PPFIA2: variants seen among roughly 807,000 people sequenced by gnomAD.
The protein encoded by PPFIA2 is PPFI scaffold protein A2.
Under a neutral mutation model 175.5 loss-of-function variants are expected in PPFIA2, and 46 were observed. The observed-to-expected ratio is 0.26, with a 90% confidence interval of 0.21 to 0.34. The LOEUF is 0.34. PPFIA2 is among the 10% of genes least tolerant of loss of function. The pLI, the probability that PPFIA2 is intolerant of heterozygous loss-of-function variation, is 1.00. For synonymous variants in PPFIA2, 568 were observed against 511.4 expected, an observed-to-expected ratio of 1.11 and a Z score of -1.49; for missense variants, 1,179 against 1,506.1, an observed-to-expected ratio of 0.78 and a Z score of 3.60.
At chr12:81,502,623 A>AATT (rs1305536309) in intron 4 of PPFIA2, among the ~76,000 whole-genome samples, 6 of 152,196 alleles carry the variant, frequency 3.9e-5, no homozygotes, top group African/African-American at 1.4e-4. Context: ...GTTCATCCTA[A>AATT]ATTACATCAA....
At chr12:81,284,412 G>A in intron 24 of PPFIA2, 109 bp from the exon 25 acceptor site, 1 of 781,536 alleles carries the variant, frequency 1.3e-6, no homozygotes, top group South Asian at 1.5e-5. Flanking sequence ...ATACCACAGT[G>A]CCCTTGCCCC....
At chr12:81,321,324 C>T (rs1328188556) in intron 22 of PPFIA2, among the ~76,000 whole-genome samples, 1 of 151,922 alleles carries the variant, frequency 6.6e-6, no homozygotes, top group African/African-American at 2.4e-5. Flanking sequence ...AAACTGACAA[C>T]TAAATATATT....
At chr12:81,465,584 C>T (rs2146087306) in intron 4 of PPFIA2, among the ~76,000 whole-genome samples, 1 of 152,176 alleles carries the variant, frequency 6.6e-6, no homozygotes, top group African/African-American at 2.4e-5. Context: ...AATAATTCTT[C>T]TAGCAATTCT....
At chr12:81,629,061 C>T (rs1235536982) in intron 4 of PPFIA2, among the ~76,000 whole-genome samples, 26 of 151,840 alleles carry the variant, frequency 1.7e-4, no homozygotes, top group Admixed American at 1.7e-3. Context: ...GGATATGTGC[C>T]AAAAGATAAG....
At chr12:81,464,871 C>T (rs1240312002) in intron 4 of PPFIA2, among the ~76,000 whole-genome samples, 1 of 118,314 alleles carries the variant, frequency 8.5e-6, no homozygotes, top group African/African-American at 3.7e-5. Flanking sequence ...TAGTAATAAA[C>T]ATAATAGAGC....
chr12:81,312,586 A>C (rs1269342971), intron 22 of PPFIA2, among the ~76,000 whole-genome samples: 1 of 152,216 alleles, frequency 6.6e-6, no homozygotes, highest in Non-Finnish European at 1.5e-5. Flanking sequence ...TAGCTTTATA[A>C]GCCTACTGCT....
At chr12:81,511,741 CATAT>C (rs2061824071) in intron 4 of PPFIA2, among the ~76,000 whole-genome samples, 1 of 151,976 alleles carries the variant, frequency 6.6e-6, no homozygotes, top group Non-Finnish European at 1.5e-5. Context: ...TATTTCCCTT[CATAT>C]ATATTCAATA....
At chr12:81,430,064 T>G (rs1454032066) in intron 7 of PPFIA2, 1 of 152,100 alleles carries the variant, frequency 6.6e-6, no homozygotes, top group East Asian at 1.9e-4. Context: ...ATCAATATCT[T>G]CATTCATCAC....
At chr12:81,607,164 G>T (rs990361732) in intron 4 of PPFIA2, among the ~76,000 whole-genome samples, 1 of 151,836 alleles carries the variant, frequency 6.6e-6, no homozygotes, top group African/African-American at 2.4e-5. Context: ...CTGTTCTATT[G>T]GTTTATGTGT....
intron 3 of PPFIA2, among the ~76,000 whole-genome samples, chr12:81,709,801 T>TTTC (rs2077660644): frequency 6.6e-6 from 1 of 152,220 alleles, no homozygotes; most frequent in East Asian, 1.9e-4. Flanking sequence ...TCTTATTTTT[T>TTTC]AAATAGATAT....
chr12:81,616,112 G>C (rs919937528), intron 4 of PPFIA2, among the ~76,000 whole-genome samples: 4 of 152,054 alleles, frequency 2.6e-5, no homozygotes, highest in African/African-American at 9.7e-5. Flanking sequence ...AGTATTGTTG[G>C]GGGAGAGAAT....
intron 3 of PPFIA2, among the ~76,000 whole-genome samples, chr12:81,730,838 A>G (rs2080793509): frequency 6.6e-6 from 1 of 151,598 alleles, no homozygotes; most frequent in Non-Finnish European, 1.5e-5. Flanking sequence ...CTACAGGGTA[A>G]TAGTTGTTTA....
intron 21 of PPFIA2, among the ~76,000 whole-genome samples, chr12:81,333,388 C>G (rs1218233417): frequency 6.6e-6 from 1 of 152,162 alleles, no homozygotes; most frequent in South Asian, 2.1e-4. Context: ...ACACCATTCA[C>G]TTATGTTCTC....
At chr12:81,589,221 A>G (rs1359196150) in intron 4 of PPFIA2, among the ~76,000 whole-genome samples, 1 of 152,050 alleles carries the variant, frequency 6.6e-6, no homozygotes, top group Non-Finnish European at 1.5e-5. Flanking sequence ...GCTAACTTGT[A>G]TTAGGTAGAG....
chr12:81,337,274 C>A (rs934828731), intron 21 of PPFIA2, among the ~76,000 whole-genome samples: 2 of 152,112 alleles, frequency 1.3e-5, no homozygotes, highest in African/African-American at 4.8e-5. Context: ...TAACAAGCTG[C>A]TGATTCTGGC....
rs145882763 is a variant in PPFIA2, at chr12:81,350,751, G to T, written c.1994+2368C>A. Among the ~76,000 whole-genome samples the T allele has an allele frequency of 2.0e-4, 31 of 152,146 alleles. No homozygotes were observed. In the East Asian group the frequency reaches 5.8e-3, roughly 28 times the overall value. ...AGTCTTCTCTGGCTGTAGTTAGGTT[G>T]GTATATGGAGAACTAGCATACTACA... On this transcript the variant is annotated intron_variant, in intron 17 of 32. Transcript: ENST00000549396.
chr12:81,690,846 C>T (rs2075150906), intron 3 of PPFIA2, among the ~76,000 whole-genome samples: 1 of 152,096 alleles, frequency 6.6e-6, no homozygotes, highest in Non-Finnish European at 1.5e-5. Flanking sequence ...AGGCTGCATG[C>T]ATTTTTTGGC....
At chr12:81,295,061 A>C in intron 23 of PPFIA2, 26 bp from the exon 24 acceptor site, 1 of 1,587,754 alleles carries the variant, frequency 6.3e-7, no homozygotes, top group Non-Finnish European at 8.6e-7. Flanking sequence ...AAATACACTA[A>C]CAAATTATAA....
At chr12:81,396,935 C>T (rs1415961303) in intron 8 of PPFIA2, among the ~76,000 whole-genome samples, 2 of 151,850 alleles carry the variant, frequency 1.3e-5, no homozygotes, top group African/African-American at 4.8e-5. Context: ...AGGTGTGAGA[C>T]ATAGGGAGGA....
Sources: gnomAD v4.1 joint callset for allele counts (sites outside exome capture counted in the v4.1 genomes callset) on GRCh38, gnomAD v4.1.1 for gene constraint, MANE v1.5 for transcripts, NCBI Gene and HGNC (gene_info 2026-07-23, HGNC 2026-07-21) for gene names.